Variants in ADGRL3 observed in about 807,000 individuals in gnomAD.
The protein encoded by ADGRL3 is calcium-independent alpha-latrotoxin receptor 3.
A neutral mutation model predicts 153.5 loss-of-function variants in ADGRL3; 62 were observed. The ratio of observed to expected loss-of-function variants is 0.40; its 90% confidence interval spans 0.33 to 0.50. The LOEUF (loss-of-function observed/expected upper bound fraction) is 0.50, where lower values mean the gene tolerates loss of function less well. Ranked by LOEUF, ADGRL3 falls within the 20% of genes least tolerant of loss-of-function variation. ADGRL3 has a pLI of 0.47. For synonymous variants in ADGRL3, 710 were observed against 672.5 expected (o/e 1.06, Z -0.86); for missense variants, 1,641 against 1,859.4 (o/e 0.88, Z 2.16).
At chr4:61,953,688 A>C (rs1268702025) in intron 17 of ADGRL3, among the ~76,000 whole-genome samples, 1 of 152,184 alleles carries the variant, frequency 6.6e-6, no homozygotes, top group African/African-American at 2.4e-5. Context: ...TAATTTTATA[A>C]GAATTATAAC....
At chr4:61,773,692 G>A (rs2097112079) in intron 8 of ADGRL3, among the ~76,000 whole-genome samples, 1 of 152,078 alleles carries the variant, frequency 6.6e-6, no homozygotes, top group South Asian at 2.1e-4. Context: ...AGGTTCATTG[G>A]TGGGGCCCAG....
intron 1 of ADGRL3, among the ~76,000 whole-genome samples, chr4:61,267,298 T>A (rs1019817294): frequency 1.3e-5 from 2 of 151,770 alleles, no homozygotes. Flanking sequence ...TTAGCAGGAA[T>A]AAAAGTCTCT....
At chr4:61,279,665 T>G (rs913038775) in intron 1 of ADGRL3, among the ~76,000 whole-genome samples, 8 of 152,192 alleles carry the variant, frequency 5.3e-5, no homozygotes, top group African/African-American at 1.7e-4. Context: ...GGATTTACTT[T>G]TCCATTTGAG....
At chr4:61,280,817 T>C (rs2149985870) in intron 1 of ADGRL3, among the ~76,000 whole-genome samples, 1 of 152,296 alleles carries the variant, frequency 6.6e-6, no homozygotes, top group African/African-American at 2.4e-5. Flanking sequence ...TATTGTAATA[T>C]ATCCACTTAG....
chr4:61,413,651 C>T (rs1286901856), intron 2 of ADGRL3, among the ~76,000 whole-genome samples: 1 of 152,132 alleles, frequency 6.6e-6, no homozygotes, highest in Non-Finnish European at 1.5e-5. Flanking sequence ...TTCTTTGGCT[C>T]AGGAAAGCAA....
intron 1 of ADGRL3, among the ~76,000 whole-genome samples, chr4:61,317,674 C>T (rs959233745): frequency 1.3e-5 from 2 of 152,194 alleles, no homozygotes; most frequent in East Asian, 1.9e-4. Context: ...GCTTGTTCCT[C>T]GTTACACTTT....
At chr4:61,869,696 T>C (rs1245841471) in intron 9 of ADGRL3, among the ~76,000 whole-genome samples, 1 of 151,510 alleles carries the variant, frequency 6.6e-6, no homozygotes, top group Non-Finnish European at 1.5e-5. Context: ...CCCAACACTT[T>C]GGGAGGCTGA....
intron 8 of ADGRL3, among the ~76,000 whole-genome samples, chr4:61,777,814 G>C (rs986783837): frequency 6.6e-6 from 1 of 151,970 alleles, no homozygotes; most frequent in African/African-American, 2.4e-5. Flanking sequence ...TAAAAGTTTT[G>C]AGTATCGCTA....
At chr4:61,853,287 A>G (rs1251233309) in intron 9 of ADGRL3, among the ~76,000 whole-genome samples, 2 of 152,136 alleles carry the variant, frequency 1.3e-5, no homozygotes, top group Admixed American at 6.5e-5. Context: ...AGACATTCCT[A>G]TCGCTCATGA....
At chr4:61,504,495 G>C (rs868008204) in intron 3 of ADGRL3, among the ~76,000 whole-genome samples, 1 of 151,992 alleles carries the variant, frequency 6.6e-6, no homozygotes, top group African/African-American at 2.4e-5. Flanking sequence ...TTATTTATAT[G>C]TGTTAGGAAT....
intron 5 of ADGRL3, among the ~76,000 whole-genome samples, chr4:61,638,064 T>A (rs2093504369): frequency 6.6e-6 from 1 of 152,154 alleles, no homozygotes; most frequent in African/African-American, 2.4e-5. Context: ...AATGAAAACC[T>A]TCATCCACAA....
chr4:62,029,898 A>G (rs1446464403), intron 22 of ADGRL3, among the ~76,000 whole-genome samples: 3 of 151,408 alleles, frequency 2.0e-5, no homozygotes, highest in Non-Finnish European at 4.4e-5. Context: ...CGTCCATAAG[A>G]AGCTGAGAGC....
At chr4:61,418,069 C>A (rs1290447343) in intron 2 of ADGRL3, among the ~76,000 whole-genome samples, 1 of 152,116 alleles carries the variant, frequency 6.6e-6, no homozygotes, top group Non-Finnish European at 1.5e-5. Flanking sequence ...CATTTTTGTG[C>A]TTATAAATGG....
chr4:61,652,855 A>G (rs769188797), intron 5 of ADGRL3, among the ~76,000 whole-genome samples: 8 of 152,198 alleles, frequency 5.3e-5, no homozygotes, highest in Non-Finnish European at 1.0e-4. Flanking sequence ...AAAATGTGTT[A>G]AATACTAATG....
rs559246181 is a variant in ADGRL3, at chr4:61,588,065, T to C, written c.473+625T>C. On this transcript the variant is annotated intron_variant, in intron 5 of 26. Coordinates refer to ENST00000683033, the MANE Select transcript of ADGRL3 (RefSeq NM_001387552.1). ...ATATTTTTGATTCTAAAGAGACTGG[T>C]CAGTAGGAATGCATATTATATAAGG... 3.7e-3 allele frequency among the ~76,000 whole-genome samples: 561 copies of C among 151,908 alleles called. 3 individuals are homozygous for C. The highest frequency in any genetic ancestry group is 7.0e-3 in the Non-Finnish European group (472 of 67,858).
chr4:61,674,594 A>G (rs945900200), intron 5 of ADGRL3, among the ~76,000 whole-genome samples: 1 of 151,794 alleles, frequency 6.6e-6, no homozygotes, highest in African/African-American at 2.4e-5. Flanking sequence ...ATTATATTAA[A>G]TTTTATAGTG....
chr4:61,839,030 C>G (rs1316738293), intron 9 of ADGRL3, among the ~76,000 whole-genome samples: 1 of 151,964 alleles, frequency 6.6e-6, no homozygotes, highest in East Asian at 1.9e-4. Flanking sequence ...GTTAAGGAAA[C>G]TTGGGTAGGG....
intron 3 of ADGRL3, among the ~76,000 whole-genome samples, chr4:61,506,657 A>T (rs2152848801): frequency 6.6e-6 from 1 of 152,286 alleles, no homozygotes; most frequent in Admixed American, 6.5e-5. Context: ...GTTTGAAAAA[A>T]TTGAATAGTG....
At position 61,602,298 on chromosome 4, in the gene ADGRL3, G is replaced by A. The variant is rs150202630; in HGVS notation, c.473+14858G>A. 1.2e-3 allele frequency among the ~76,000 whole-genome samples: 186 copies of A among 152,182 alleles called. 1 individual carries two copies. Among genetic ancestry groups the A allele is most frequent in the African/African-American group, 4.3e-3 (179 of 41,532 alleles). On this transcript the variant is annotated intron_variant, in intron 5 of 26. Coordinates refer to ENST00000683033, the MANE Select transcript of ADGRL3 (RefSeq NM_001387552.1). ...CCACTTATCCTTATTGGATCAGCTTGACATCATATCCCTAAAGTAATTACT... is the reference window on the plus strand; with the variant it reads ...CCACTTATCCTTATTGGATCAGCTTAACATCATATCCCTAAAGTAATTACT...
Sources: gnomAD v4.1 joint callset for allele counts (sites outside exome capture counted in the v4.1 genomes callset) on GRCh38, gnomAD v4.1.1 for gene constraint, MANE v1.5 for transcripts, NCBI Gene and HGNC (gene_info 2026-07-23, HGNC 2026-07-21) for gene names.